POLQ: variants seen among roughly 807,000 people sequenced by gnomAD.
POLQ encodes the protein epididymis secretory sperm binding protein.
A neutral mutation model predicts 259.2 loss-of-function variants in POLQ; 233 were observed. That is an observed-to-expected ratio of 0.90 (90% CI 0.81 to 1.00). The LOEUF is 1.00. Among genes scored for constraint, POLQ ranks in the 50% least tolerant of loss-of-function variants. The pLI is 0.00. For missense variants in POLQ, 2,871 were observed against 3,051.6 expected (o/e 0.94, Z 1.39); for synonymous variants, 1,025 against 1,048.8 (o/e 0.98, Z 0.44).
In POLQ at chr3:121,481,592, A is replaced by C; in HGVS notation, c.6191T>G (p.Leu2064Trp). Reference protein sequence around the residue: ...FNSMNQLNSLLQKENLQDVFR... With the variant: ...FNSMNQLNSLWQKENLQDVFR... ...TTTACCTTGAAGGTTTTCCTTCTGC[A>C]ACAAAGAGTTGAGCTGATTCATAGA... is the stretch of plus-strand genomic sequence containing the variant. The change falls in exon 19 of 30, where the codon TTG (leucine) becomes TGG (tryptophan). Residue 2064 changes from leucine to tryptophan, a missense_variant. Coordinates refer to ENST00000264233, the MANE Select transcript of POLQ (RefSeq NM_199420.4). 6.3e-7 allele frequency: 1 copy of C among 1,599,812 alleles called. No homozygotes were observed.
chr3:121,453,970 G>A (rs2047705701), intron 25 of POLQ, among the ~76,000 whole-genome samples: 2 of 152,192 alleles, frequency 1.3e-5, no homozygotes, highest in South Asian at 4.1e-4. Flanking sequence ...AATGTTAACG[G>A]CAGCCAGAGA....
At chr3:121,457,495 G>C (rs2047752141) in intron 25 of POLQ, among the ~76,000 whole-genome samples, 1 of 151,984 alleles carries the variant, frequency 6.6e-6, no homozygotes, top group African/African-American at 2.4e-5. Context: ...TCTGACAAAG[G>C]GCTAATATCC....
At chr3:121,471,802 C>G (rs1190995226) in intron 22 of POLQ, among the ~76,000 whole-genome samples, 188 bp downstream of exon 22, 2 of 152,070 alleles carry the variant, frequency 1.3e-5, no homozygotes, top group African/African-American at 4.8e-5. Context: ...AAAGCAGGAA[C>G]CAATACTCAT....
chr3:121,511,197 G>T (rs1223728310), intron 10 of POLQ, among the ~76,000 whole-genome samples: 1 of 138,362 alleles, frequency 7.2e-6, no homozygotes, highest in Admixed American at 8.3e-5. Flanking sequence ...CTGCACTCCA[G>T]CCTGGGTGAC....
chr3:121,432,303 G>T lies in POLQ; in HGVS notation c.*1C>A. The T allele has an allele frequency of 6.3e-7, 1 of 1,593,874 alleles. No homozygotes were observed. The highest frequency in any genetic ancestry group is 8.5e-7 in the Non-Finnish European group (1 of 1,171,922). The stretch of plus-strand genomic sequence containing the variant: ...CTGGGAGGACTTCATCAACAGCACA[G>T]TTACACATCAAAGTCCTTTAGCTCT... On this transcript the variant is annotated 3_prime_UTR_variant, in exon 30 of 30. Transcript: ENST00000264233.
intron 25 of POLQ, among the ~76,000 whole-genome samples, chr3:121,459,450 C>T (rs1048362231): frequency 7.2e-6 from 1 of 138,956 alleles, no homozygotes; most frequent in South Asian, 2.4e-4. Flanking sequence ...GGCGCTATCT[C>T]GGCTCACTGC....
Position 121,472,071 on chromosome 3 carries a change from G to A in POLQ, c.6637C>T (p.Pro2213Ser). 2 of 1,585,700 alleles carry A rather than the reference G, an allele frequency of 1.3e-6. No homozygotes were observed. The highest frequency in any genetic ancestry group is 2.7e-5 in the African/African-American group (2 of 74,614). The change falls in exon 22 of 30, where the codon CCC (proline) becomes TCC (serine). Residue 2213 changes from proline (P) to serine (S), a missense_variant. Around this residue, in one of 3 missense-constraint regions of POLQ, gnomAD observed 2,080 missense variants for 2,126.0 expected, o/e 0.98. Coordinates refer to ENST00000264233, the MANE Select transcript of POLQ (RefSeq NM_199420.4). ...TTAAGACACTTTTCCCGCTGAAGGG[G>A]AAAGACCACTTTGGTAATAGCATTA... The part of the protein sequence containing the change: ...ITNAITKVVF[P>S]LQREKCLNPF...
chr3:121,532,561 G>C (rs1416938676), intron 6 of POLQ, among the ~76,000 whole-genome samples: 1 of 151,290 alleles, frequency 6.6e-6, no homozygotes, highest in East Asian at 1.9e-4. Flanking sequence ...GAGTGCAGTG[G>C]CATGATCTCG....
intron 20 of POLQ, among the ~76,000 whole-genome samples, chr3:121,474,317 A>G (rs2047908466): frequency 6.6e-6 from 1 of 152,170 alleles, no homozygotes; most frequent in South Asian, 2.1e-4. Flanking sequence ...AAGGTGGCCA[A>G]TACAATGTGG....
chr3:121,437,685 T>C (rs2047555326), intron 27 of POLQ, among the ~76,000 whole-genome samples: 1 of 152,194 alleles, frequency 6.6e-6, no homozygotes, highest in Non-Finnish European at 1.5e-5. Context: ...ACTGTGTCTT[T>C]ACCAAACATA....
Position 121,467,377 on chromosome 3 carries a change from G to A in POLQ, c.6967+142C>T. 4.0e-6 allele frequency: 3 copies of A among 758,628 alleles called. No individual in the cohort carries two copies. In the South Asian group the frequency reaches 5.8e-5, roughly 15 times the overall value. 47.0% of individuals were successfully genotyped at this position (758,628 alleles called of 1,614,324 possible). A position where few individuals can be genotyped will look rare whatever the true frequency, so the allele number is the denominator to read the frequency against. ...ACTGCTATAAACCTGGCATGACAAAGGAGAAAGGCAGGCTCCACCGTAGAC... is the reference window on the plus strand; with the variant it reads ...ACTGCTATAAACCTGGCATGACAAAAGAGAAAGGCAGGCTCCACCGTAGAC... On this transcript the variant is annotated intron_variant, in intron 24 of 29. Transcript: ENST00000264233.
rs78788065 is a variant in POLQ, at chr3:121,460,165, C to T, written c.7037G>A (p.Arg2346His). The part of the protein sequence containing the change: ...LRILAHLSHD[R>H]RLIQVLNTGA... Reference sequence around the variant, plus strand: ...AGTGTTTAACACTTGAATGAGACGACGATCATGGGATAAATGAGCCAAGAT... The same window carrying T: ...AGTGTTTAACACTTGAATGAGACGATGATCATGGGATAAATGAGCCAAGAT... Residue 2346 changes from arginine (R) to histidine (H), a missense_variant, in exon 25 of 30, where the codon CGT becomes CAT. Physicochemically the swap from Arg to His is conservative, Grantham distance 29. This residue lies in a region of POLQ where 2,080 missense variants were observed against 2,126.0 expected (regional missense o/e 0.98). Transcript: ENST00000264233. 4.1e-5 allele frequency: 66 copies of T among 1,612,870 alleles called. 1 individual carries two copies. In the East Asian group the frequency reaches 8.7e-4, roughly 21 times the overall value.
intron 26 of POLQ, among the ~76,000 whole-genome samples, chr3:121,447,121 AT>A (rs1371333441): frequency 7.7e-6 from 1 of 129,482 alleles, no homozygotes; most frequent in African/African-American, 2.8e-5. Context: ...TCTGTTGTAT[AT>A]TTTTTTATTT....
intron 24 of POLQ, among the ~76,000 whole-genome samples, chr3:121,461,628 T>A (rs1437117136): frequency 7.2e-6 from 1 of 139,502 alleles, no homozygotes; most frequent in Admixed American, 7.7e-5. Context: ...TCCAGCCTGG[T>A]GACAGAGTGA....
intron 2 of POLQ, among the ~76,000 whole-genome samples, chr3:121,542,084 C>T (rs2048494263): frequency 6.6e-6 from 1 of 150,474 alleles, no homozygotes; most frequent in South Asian, 2.1e-4. Context: ...TGCAGTGAGC[C>T]GAGATCACCC....
chr3:121,530,990 C>T (rs1456758961), intron 6 of POLQ, among the ~76,000 whole-genome samples: 4 of 152,080 alleles, frequency 2.6e-5, no homozygotes, highest in African/African-American at 9.7e-5. Context: ...GAGCTCGAGA[C>T]CAGCCTGACC....
At chr3:121,541,160 C>A (rs756728139) in intron 3 of POLQ, among the ~76,000 whole-genome samples, 189 bp downstream of exon 3, 2 of 152,228 alleles carry the variant, frequency 1.3e-5, no homozygotes, top group African/African-American at 2.4e-5. Flanking sequence ...GGATTACAGG[C>A]GTGAGCTACC....
At chr3:121,435,747 T>C (rs895213749) in intron 28 of POLQ, among the ~76,000 whole-genome samples, 2 of 152,210 alleles carry the variant, frequency 1.3e-5, no homozygotes, top group African/African-American at 4.8e-5. Flanking sequence ...AGCTGTGTTC[T>C]CTTAAGCCAA....
chr3:121,456,344 A>T (rs1216189402), intron 25 of POLQ, among the ~76,000 whole-genome samples: 1 of 151,876 alleles, frequency 6.6e-6, no homozygotes, highest in Non-Finnish European at 1.5e-5. Flanking sequence ...GCCCTCTCTC[A>T]CCACTCCTAT....
Sources: allele counts gnomAD v4.1 joint callset (sites outside exome capture counted in the v4.1 genomes callset), GRCh38; gene constraint gnomAD v4.1.1; regional missense constraint gnomAD v4.1.1; transcripts MANE v1.5; gene names NCBI Gene and HGNC (gene_info 2026-07-23, HGNC 2026-07-21).